NOS2: variants seen among roughly 807,000 people sequenced by gnomAD.
The protein encoded by NOS2 is nitric oxide synthase 2.
A neutral mutation model predicts 136.0 loss-of-function variants in NOS2; 96 were observed. The ratio of observed to expected loss-of-function variants is 0.71; its 90% CI spans 0.60 to 0.84. The LOEUF (loss-of-function observed/expected upper bound fraction) is 0.84. Among genes scored for constraint, NOS2 ranks in the 40% least tolerant of loss-of-function variants. The pLI, the probability that NOS2 is intolerant of heterozygous loss-of-function variation, is 0.00. For synonymous variants in NOS2, 539 were observed against 587.5 expected (o/e 0.92, Z 1.20); for missense variants, 1,237 against 1,496.9 (o/e 0.83, Z 2.87).
chr17:27,783,069 C>A lies in NOS2; in HGVS notation c.505G>T (p.Val169Leu). Reference sequence around the variant, plus strand: ...CCTGTTGTTTCTATCTCCTTTGTTACCGCTTCCACCCTGGCCAGATGTTCC... The same window carrying A: ...CCTGTTGTTTCTATCTCCTTTGTTAACGCTTCCACCCTGGCCAGATGTTCC... ...IEEHLARVEA[V>L]TKEIETTGTY... is the part of the protein sequence containing the mutation. Residue 169 changes from valine to leucine, a missense_variant, in exon 6 of 27, where the codon GTA (valine) becomes TTA (leucine). Val to Leu is a conservative substitution (Grantham distance 32). Transcript: ENST00000313735. 6.2e-7 allele frequency: 1 copy of A among 1,614,164 alleles called. No individual in the cohort carries two copies.
At chr17:27,778,582 T>A in intron 11 of NOS2, 108 bp downstream of exon 11, 1 of 864,642 alleles carries the variant, frequency 1.2e-6, no homozygotes, top group Non-Finnish European at 1.9e-6. Flanking sequence ...TTGCTGGACC[T>A]CTAGAGTGAG....
intron 2 of NOS2, among the ~76,000 whole-genome samples, chr17:27,797,740 C>A (rs1291524116): frequency 1.3e-5 from 2 of 152,196 alleles, no homozygotes; most frequent in Admixed American, 6.5e-5. Flanking sequence ...CCTGAGCGAG[C>A]CTCAAGCCTG....
At position 27,782,100 on chromosome 17, in the gene NOS2, C is replaced by T. The variant is rs766521078; in HGVS notation, c.637G>A (p.Asp213Asn). ...RIQWSNLQVF[D>N]ARSCSTAREM... ...CGGGCAGTGGAACAGCTGCGGGCAT[C>T]GAAGACCTGCAACAGCCCATCCAGA... Residue 213 changes from aspartate (D) to asparagine (N), a missense_variant, in exon 7 of 27, where the codon GAT becomes AAT. Coordinates refer to ENST00000313735, the MANE Select transcript of NOS2 (RefSeq NM_000625.4). The T allele has an allele frequency of 3.1e-6, 5 of 1,613,938 alleles. No individual in the cohort carries two copies. The highest frequency in any genetic ancestry group is 1.1e-5 in the South Asian group (1 of 90,986).
In NOS2 at chr17:27,781,162, C is replaced by T. The variant is rs200789497; in HGVS notation, c.738G>A (p.Val246=). The change falls in exon 8 of 27, where the codon GTG becomes GTA. Residue 246 remains valine, a synonymous_variant. Transcript: ENST00000313735. ...NNGNIRSAIT[V]FPQRSDGKHD... is the part of the protein sequence containing the mutation. The stretch of plus-strand genomic sequence containing the variant: ...GCTTGCCATCACTCCGCTGGGGGAA[C>T]ACGGTGATGGCCGACCTTCCCAGGA... 14 of 1,608,772 alleles carry T rather than the reference C, an allele frequency of 8.7e-6. No homozygotes were observed. In the South Asian group the frequency reaches 1.4e-4, roughly 16 times the overall value.
At chr17:27,795,286 T>C (rs2142530491) in intron 2 of NOS2, among the ~76,000 whole-genome samples, 1 of 151,940 alleles carries the variant, frequency 6.6e-6, no homozygotes, top group South Asian at 2.1e-4. Flanking sequence ...TGTTATGAGT[T>C]TGGACTTGAC....
rs1398367277 is a variant in NOS2, at chr17:27,761,075, C to T, written c.2888+69G>A. 10 of 1,380,850 alleles carry T rather than the reference C, an allele frequency of 7.2e-6. No homozygotes were observed. The Admixed American group carries it at 7.7e-5, about 11-fold the overall frequency. 85.5% of individuals were successfully genotyped at this position (1,380,850 alleles called of 1,614,324 possible). A position where few individuals can be genotyped will look rare whatever the true frequency, so the allele number is the denominator to read the frequency against. On this transcript the variant is annotated intron_variant, in intron 23 of 26. Coordinates refer to ENST00000313735, the MANE Select transcript of NOS2 (RefSeq NM_000625.4). ...CCGAGCGTCTCCTAAACCCCAGATC[C>T]CTCCCTTTCCTCCCGGAACTCCCAG...
rs1597540638 is a variant in NOS2, at chr17:27,757,299, T to A, written c.3409A>T (p.Lys1137Ter). The A allele has an allele frequency of 6.2e-7, 1 of 1,614,132 alleles. No individual in the cohort carries two copies. The highest frequency in any genetic ancestry group is 1.3e-5 in the African/African-American group (1 of 75,048). ...IFGAVFPYEA[K>*]KDRVAVQPSS... is the part of the protein sequence containing the mutation. ...GGCTGCACCGCCACCCTGTCCTTCT[T>A]CGCCTCGTAAGGAAATACAGCACCA... Residue 1137 changes from lysine (K) to a stop codon, truncating the protein, a stop_gained, in exon 27 of 27, where the codon AAG becomes TAG. Transcript: ENST00000313735. LOFTEE classifies it low-confidence loss of function (END_TRUNC).
At chr17:27,757,808 C>T (rs569446668) in intron 26 of NOS2, among the ~76,000 whole-genome samples, 3 of 152,306 alleles carry the variant, frequency 2.0e-5, no homozygotes, top group South Asian at 2.1e-4. Context: ...AACTGTCTAC[C>T]GACCCACTGA....
At chr17:27,797,957 G>T (rs189676520) in intron 2 of NOS2, among the ~76,000 whole-genome samples, 101 of 152,236 alleles carry the variant, frequency 6.6e-4, no homozygotes, top group Admixed American at 5.9e-3. Flanking sequence ...TCAATCATAT[G>T]AACTTCAAAG....
intron 7 of NOS2, 129 bp downstream of exon 7, chr17:27,781,886 C>T (rs2142517891): frequency 2.5e-6 from 2 of 788,160 alleles, no homozygotes; most frequent in African/African-American, 1.7e-5. Flanking sequence ...CTGAGTCTTT[C>T]TCTTTTTTCT....
chr17:27,798,751 C>T lies in NOS2; in HGVS notation c.59G>A (p.Gly20Glu), dbSNP rs767999460. The change falls in exon 2 of 27, where the codon GGG (glycine) becomes GAG (glutamate). Residue 20 changes from glycine to glutamate, a missense_variant. Physicochemically the swap from Gly to Glu is moderately conservative, Grantham distance 98. Around this residue, in one of 3 missense-constraint regions of NOS2, gnomAD observed 440 missense variants for 545.4 expected, o/e 0.81. Coordinates refer to ENST00000313735, the MANE Select transcript of NOS2 (RefSeq NM_000625.4). ...KTKFHQYAMN[G>E]EKDINNNVEK... ...CACATTGTTGTTGATGTCTTTTTCC[C>T]CATTCATTGCATACTGGTGGAATTT... 6.2e-7 allele frequency: 1 copy of T among 1,614,076 alleles called. No homozygotes were observed. The highest frequency in any genetic ancestry group is 1.7e-5 in the Admixed American group (1 of 60,018).
At chr17:27,779,791 C>T (rs1462908492) in intron 9 of NOS2, among the ~76,000 whole-genome samples, 2 of 152,142 alleles carry the variant, frequency 1.3e-5, no homozygotes, top group Non-Finnish European at 2.9e-5. Context: ...TTTTTAGCCT[C>T]TCTGAGCCTC....
At position 27,798,755 on chromosome 17, in the gene NOS2, T is replaced by G. The variant is rs1428852297; in HGVS notation, c.55A>C (p.Asn19His). Residue 19 changes from asparagine to histidine, a missense_variant, in exon 2 of 27, where the codon AAT becomes CAT. Physicochemically the swap from Asn to His is moderately conservative, Grantham distance 68 (BLOSUM62 1). Transcript: ENST00000313735. ...FKTKFHQYAM[N>H]GEKDINNNVE... Reference sequence around the variant, plus strand: ...TTGTTGTTGATGTCTTTTTCCCCATTCATTGCATACTGGTGGAATTTGGTC... The same window carrying G: ...TTGTTGTTGATGTCTTTTTCCCCATGCATTGCATACTGGTGGAATTTGGTC... The G allele has an allele frequency of 6.2e-7, 1 of 1,614,130 alleles. No homozygotes were observed. Among genetic ancestry groups the G allele is most frequent in the East Asian group, 2.2e-5 (1 of 44,878 alleles).
chr17:27,772,334 A>G lies in NOS2; in HGVS notation c.1678T>C (p.Leu560=). The G allele has an allele frequency of 6.2e-7, 1 of 1,614,172 alleles. No homozygotes were observed. Among genetic ancestry groups the G allele is most frequent in the Non-Finnish European group, 8.5e-7 (1 of 1,180,038 alleles). The change falls in exon 14 of 27, where the codon TTA becomes CTA. Residue 560 remains leucine (L), a synonymous_variant. Transcript: ENST00000313735. ...TTGGGGTTGAAGGCACAGCTGAATA[A>G]GGCCCCCAGGTCCCAGGCCAGCGCC... is the stretch of plus-strand genomic sequence containing the variant. ...SEALAWDLGA[L]FSCAFNPKVV...
chr17:27,780,798 G>A lies in NOS2; in HGVS notation c.973C>T (p.Leu325Phe), dbSNP rs774364404. 6.2e-7 allele frequency: 1 copy of A among 1,614,232 alleles called. No homozygotes were observed. Among genetic ancestry groups the A allele is most frequent in the Non-Finnish European group, 8.5e-7 (1 of 1,180,044 alleles). Reference sequence around the variant, plus strand: ...TGTTCCATGGCCACCTCAAGCACAAGGTCAGGTGGGATTTCGAAGAGCTCA... The same window carrying A: ...TGTTCCATGGCCACCTCAAGCACAAAGTCAGGTGGGATTTCGAAGAGCTCA... ...DPELFEIPPD[L>F]VLEVAMEHPK... The change falls in exon 9 of 27, where the codon CTT becomes TTT. Residue 325 changes from leucine (L) to phenylalanine (F), a missense_variant. Leu to Phe is a conservative substitution (Grantham distance 22). Coordinates refer to ENST00000313735, the MANE Select transcript of NOS2 (RefSeq NM_000625.4).
At chr17:27,771,075 T>C in intron 14 of NOS2, 58 bp from the exon 15 acceptor site, 1 of 1,262,970 alleles carries the variant, frequency 7.9e-7, no homozygotes, top group Non-Finnish European at 1.1e-6. Context: ...CTCCCTACCC[T>C]GCGCAGACAC....
intron 20 of NOS2, among the ~76,000 whole-genome samples, chr17:27,765,179 G>A (rs2151326031): frequency 6.6e-6 from 1 of 152,292 alleles, no homozygotes; most frequent in Non-Finnish European, 1.5e-5. Flanking sequence ...GTAGAGACGG[G>A]GTTTTGCCAT....
At chr17:27,790,830 T>C (rs1196781048) in intron 2 of NOS2, among the ~76,000 whole-genome samples, 2 of 152,250 alleles carry the variant, frequency 1.3e-5, no homozygotes, top group African/African-American at 4.8e-5. Context: ...TCCGGCGAAC[T>C]GAATAGTCAC....
rs1168101382 is a variant in NOS2 at position 27,758,995 on chromosome 17, A to G, written c.3240T>C (p.Tyr1080=). 4 of 1,612,930 alleles carry G rather than the reference A, an allele frequency of 2.5e-6. No individual in the cohort carries two copies. Among genetic ancestry groups the G allele is most frequent in the African/African-American group, 1.3e-5 (1 of 74,940 alleles). The change falls in exon 26 of 27, where the codon TAT becomes TAC. Residue 1080 remains tyrosine (Y), a synonymous_variant. Coordinates refer to ENST00000313735, the MANE Select transcript of NOS2 (RefSeq NM_000625.4). Reference sequence around the variant, plus strand: ...GGGCCATGCGCACATCCCCGCAAACATAGAGGTGGCCTGGCTCCTTGTGGA... The same window carrying G: ...GGGCCATGCGCACATCCCCGCAAACGTAGAGGTGGCCTGGCTCCTTGTGGA... The part of the protein sequence containing the change: ...RVLHKEPGHL[Y]VCGDVRMARD...
Sources: gnomAD v4.1 joint callset for allele counts (sites outside exome capture counted in the v4.1 genomes callset) on GRCh38, gnomAD v4.1.1 for gene constraint, gnomAD v4.1.1 regional missense constraint, MANE v1.5 for transcripts, NCBI Gene and HGNC (gene_info 2026-07-23, HGNC 2026-07-21) for gene names.